Variants in GOSR2 observed in about 807,000 individuals in gnomAD.
The protein encoded by GOSR2 is 27 kDa Golgi SNARE protein.
A neutral mutation model predicts 27.9 loss-of-function variants in GOSR2; 20 were observed. That is an observed-to-expected ratio of 0.72 (90% CI 0.50 to 1.04). The LOEUF is 1.04. Among genes scored for constraint, GOSR2 ranks in the 50% least tolerant of loss-of-function variants. GOSR2 has a pLI of 0.00. For synonymous variants in GOSR2, 91 were observed against 98.8 expected (o/e 0.92, Z 0.47); for missense variants, 261 against 270.5 (o/e 0.97, Z 0.25).
chr17:46,959,501 A>G (rs181225072), intron 6 of GOSR2, among the ~76,000 whole-genome samples: 1 of 152,288 alleles, frequency 6.6e-6, no homozygotes, highest in East Asian at 1.9e-4. Flanking sequence ...GAGCAAAGGA[A>G]AAGGTTCTTC....
At chr17:46,946,297 AAAAAAG>A (rs1568196817), downstream of GOSR2, among the ~76,000 whole-genome samples, 2 of 147,924 alleles carry the variant, frequency 1.4e-5, no homozygotes, top group African/African-American at 4.9e-5. Flanking sequence ...AAAAAAAAAA[AAAAAAG>A]AAAAGAAAAA....
intron 5 of GOSR2, chr17:46,937,693 T>A (rs1422881999): frequency 6.6e-6 from 1 of 152,244 alleles, no homozygotes; most frequent in Non-Finnish European, 1.5e-5. Flanking sequence ...GCTACTCTTT[T>A]CTATGTGGCT....
chr17:46,939,420 C>T lies in GOSR2; in HGVS notation c.*660C>T, dbSNP rs1192079502. 1 of 993,072 alleles carries T rather than the reference C, an allele frequency of 1.0e-6. No individual in the cohort carries two copies. Among genetic ancestry groups the T allele is most frequent in the Non-Finnish European group, 1.2e-6 (1 of 833,598 alleles). 61.5% of individuals were successfully genotyped at this position (993,072 alleles called of 1,614,324 possible). A position where few individuals can be genotyped will look rare whatever the true frequency, so the allele number is the denominator to read the frequency against. ...GTGTTTCTCTTTTCTAAAGTGAGGCCAGTGTTATTTCCCGGGAGTGTTCAG... is the reference window on the plus strand; with the variant it reads ...GTGTTTCTCTTTTCTAAAGTGAGGCTAGTGTTATTTCCCGGGAGTGTTCAG... On this transcript the variant is annotated 3_prime_UTR_variant, in exon 6 of 6. Transcript: ENST00000640051.
intron 6 of GOSR2, among the ~76,000 whole-genome samples, chr17:46,947,703 T>G (rs1282216577): frequency 1.3e-5 from 2 of 152,226 alleles, no homozygotes; most frequent in East Asian, 1.9e-4. Flanking sequence ...ATAGTGAGAA[T>G]AATAATAACT....
intron 4 of GOSR2, among the ~76,000 whole-genome samples, chr17:46,934,255 A>G (rs1185430486): frequency 6.8e-6 from 1 of 147,952 alleles, no homozygotes; most frequent in African/African-American, 2.6e-5. Flanking sequence ...TTTTTCATCT[A>G]TAAAATGGGG....
At position 46,935,092 on chromosome 17, in the gene GOSR2, C is replaced by G; in HGVS notation, c.400C>G (p.His134Asp). The G allele has an allele frequency of 6.2e-7, 1 of 1,612,846 alleles. No homozygotes were observed. The highest frequency in any genetic ancestry group is 8.5e-7 in the Non-Finnish European group (1 of 1,178,786). The change falls in exon 5 of 6, where the codon CAC becomes GAC. Residue 134 changes from histidine to aspartate, a missense_variant. Coordinates refer to ENST00000640051, the MANE Select transcript of GOSR2 (RefSeq NM_004287.5). The part of the protein sequence containing the change: ...LQFNSSLQKV[H>D]NGMDDLILDG... ...GTTTAACTCCTCCCTCCAGAAAGTT[C>G]ACAACGGCATGGATGACCTCATTTT...
chr17:46,944,368 C>T (rs1383518167), downstream of GOSR2, among the ~76,000 whole-genome samples: 1 of 152,216 alleles, frequency 6.6e-6, no homozygotes, highest in Non-Finnish European at 1.5e-5. Flanking sequence ...ACACACCTCT[C>T]AGCCTCAGCT....
intron 5 of GOSR2, chr17:46,935,791 T>C: frequency 2.0e-6 from 2 of 986,746 alleles, no homozygotes; most frequent in Non-Finnish European, 2.4e-6. Flanking sequence ...CTGGGAGTGG[T>C]TTACAGAAAC....
chr17:46,932,546 T>C (rs537970427), intron 4 of GOSR2: 8 of 521,658 alleles, frequency 1.5e-5, no homozygotes, highest in Admixed American at 1.4e-4. Flanking sequence ...AGGCCATTTG[T>C]AGAGAAGGCA....
At chr17:46,953,000 C>T (rs1182045976) in intron 6 of GOSR2, among the ~76,000 whole-genome samples, 1 of 151,834 alleles carries the variant, frequency 6.6e-6, no homozygotes, top group African/African-American at 2.4e-5. Context: ...GACTCTGAGC[C>T]CCCCAAATTC....
chr17:46,972,838 A>C (rs1178590840), intron 6 of GOSR2, among the ~76,000 whole-genome samples: 3 of 152,076 alleles, frequency 2.0e-5, no homozygotes, highest in Non-Finnish European at 4.4e-5. Flanking sequence ...GCAGAGCCTG[A>C]GTTGCCTTCA....
rs1332809470 is a variant in GOSR2 at position 46,953,153 on chromosome 17, C to T, written c.584-13381C>T. On this transcript the variant is annotated intron_variant, in intron 6 of 6. Coordinates refer to the GOSR2 transcript ENST00000573224. ...TGTTGGTGTGCTGCACCCATTAACT[C>T]GTCATTTAGCATTAGGTATATCTCC... Among the ~76,000 whole-genome samples, 3 of 151,914 alleles carry T rather than the reference C, an allele frequency of 2.0e-5. No individual in the cohort carries two copies. The East Asian group carries it at 5.8e-4, about 29-fold the overall frequency.
chr17:46,938,802 C>G lies in GOSR2; in HGVS notation c.*42C>G. ...GGCTGAACAGCATTCCCACAGCCTG[C>G]AAGTGTGTGTGTGTGTGAAAGAGAG... On this transcript the variant is annotated 3_prime_UTR_variant, in exon 6 of 6. Coordinates refer to ENST00000640051, the MANE Select transcript of GOSR2 (RefSeq NM_004287.5). 1.2e-6 allele frequency: 2 copies of G among 1,612,430 alleles called. No homozygotes were observed. Among genetic ancestry groups the G allele is most frequent in the Non-Finnish European group, 1.7e-6 (2 of 1,179,712 alleles).
chr17:46,961,823 G>A (rs1008464115), intron 6 of GOSR2, among the ~76,000 whole-genome samples: 6 of 152,148 alleles, frequency 3.9e-5, no homozygotes, highest in African/African-American at 1.4e-4. Flanking sequence ...TTTATCTAAT[G>A]CCTACTGTAT....
intron 1 of GOSR2, among the ~76,000 whole-genome samples, chr17:46,928,982 TA>T (rs2086905974): frequency 6.6e-6 from 1 of 152,082 alleles, no homozygotes; most frequent in Non-Finnish European, 1.5e-5. Flanking sequence ...TGTTTATACT[TA>T]TGTGTATTGC....
chr17:46,965,170 AGG>A (rs2091256454), intron 6 of GOSR2: 1 of 152,248 alleles, frequency 6.6e-6, no homozygotes, highest in Admixed American at 6.5e-5. Context: ...TCGGGTGGGC[AGG>A]GCCCAGGGCA....
At chr17:46,933,148 T>C (rs1315039042) in intron 4 of GOSR2, 1 of 152,256 alleles carries the variant, frequency 6.6e-6, no homozygotes, top group East Asian at 1.9e-4. Flanking sequence ...CGTTATAATG[T>C]AGTATTCAGG....
chr17:46,931,800 TTC>T, intron 3 of GOSR2: 1 of 532,066 alleles, frequency 1.9e-6, no homozygotes, highest in Admixed American at 3.1e-5. Flanking sequence ...CTGTCCCCTG[TTC>T]TCTGTCATGC....
intron 5 of GOSR2, 63 bp from the exon 6 acceptor site, chr17:46,938,536 A>G (rs1448656723): frequency 6.2e-7 from 1 of 1,609,676 alleles, no homozygotes; most frequent in Non-Finnish European, 8.5e-7. Flanking sequence ...TCCTGATGCC[A>G]TTCACCCACT....
Sources: allele counts gnomAD v4.1 joint callset (sites outside exome capture counted in the v4.1 genomes callset), GRCh38; gene constraint gnomAD v4.1.1; transcripts MANE v1.5; gene names NCBI Gene and HGNC (gene_info 2026-07-23, HGNC 2026-07-21).